Variants in HHAT observed in about 807,000 individuals in gnomAD.
HHAT encodes protein-cysteine N-palmitoyltransferase HHAT.
In HHAT, 47 loss-of-function variants were observed where a neutral mutation model predicts 70.8. That is an observed-to-expected ratio of 0.66 (90% confidence interval 0.53 to 0.85). The LOEUF is 0.85. Ranked by LOEUF, HHAT falls within the 40% of genes least tolerant of loss-of-function variation. The pLI is 0.00. For missense variants in HHAT, 609 were observed against 604.8 expected, an observed-to-expected ratio of 1.01 and a Z score of -0.07; for synonymous variants, 228 against 247.6, an observed-to-expected ratio of 0.92 and a Z score of 0.74.
Position 210,580,190 on chromosome 1 carries a change from T to C in HHAT, c.1044-7708T>C, listed in dbSNP as rs1162606223. Among the ~76,000 whole-genome samples, 3 of 152,262 alleles carry C rather than the reference T, an allele frequency of 2.0e-5. No homozygotes were observed. In the East Asian group the frequency reaches 5.8e-4, roughly 29 times the overall value. On this transcript the variant is annotated intron_variant, in intron 9 of 11. Coordinates refer to ENST00000261458, the MANE Select transcript of HHAT (RefSeq NM_018194.6). The stretch of plus-strand genomic sequence containing the variant: ...CTGAGAATTAGCCCAGCTCAAAATA[T>C]TTTCCCTGCTTTGAAAATAGACTCC...
intron 2 of HHAT, 82 bp downstream of exon 2, chr1:210,349,148 A>T (rs931165353): frequency 7.1e-7 from 1 of 1,417,250 alleles, no homozygotes; most frequent in Non-Finnish European, 9.7e-7. Context: ...AGATTCAAGA[A>T]GATGATCCAA....
intron 11 of HHAT, among the ~76,000 whole-genome samples, chr1:210,628,721 T>C (rs1398101558): frequency 6.6e-6 from 1 of 152,218 alleles, no homozygotes. Context: ...TTCTCCCTGA[T>C]TACTAGCTTG....
At chr1:210,485,482 A>G (rs998109402) in intron 8 of HHAT, among the ~76,000 whole-genome samples, 1 of 152,078 alleles carries the variant, frequency 6.6e-6, no homozygotes, top group African/African-American at 2.4e-5. Context: ...CTCTCCCACC[A>G]GCGACTCCTC....
chr1:210,353,525 T>G (rs1351757576), intron 2 of HHAT, among the ~76,000 whole-genome samples: 1 of 151,972 alleles, frequency 6.6e-6, no homozygotes, highest in Non-Finnish European at 1.5e-5. Context: ...TATTTAAATG[T>G]TTTATTTCTT....
At position 210,453,531 on chromosome 1, in the gene HHAT, C is replaced by G. The variant is rs556027265; in HGVS notation, c.857-10974C>G. Among the ~76,000 whole-genome samples, 5 of 152,212 alleles carry G rather than the reference C, an allele frequency of 3.3e-5. No homozygotes were observed. The South Asian group carries it at 8.3e-4, about 25-fold the overall frequency. ...CCCTATTCCGTGCCTTCCCTTTCCC[C>G]CTTTCTCTCCTTCCCCCATAGTCCC... On this transcript the variant is annotated intron_variant, in intron 7 of 11. Transcript: ENST00000261458.
At chr1:210,567,463 G>A (rs1021640396) in intron 9 of HHAT, among the ~76,000 whole-genome samples, 9 of 152,142 alleles carry the variant, frequency 5.9e-5, no homozygotes, top group Non-Finnish European at 8.8e-5. Context: ...AATGTTCAGC[G>A]CAGTACCTGG....
At chr1:210,529,594 C>T (rs910704700) in intron 9 of HHAT, among the ~76,000 whole-genome samples, 22 of 152,124 alleles carry the variant, frequency 1.4e-4, no homozygotes, top group Admixed American at 1.0e-3. Context: ...CAGCTACTAC[C>T]CCAGTGTATC....
At chr1:210,429,681 CCT>C (rs764521117) in intron 7 of HHAT, among the ~76,000 whole-genome samples, 4 of 151,704 alleles carry the variant, frequency 2.6e-5, no homozygotes, top group African/African-American at 7.3e-5. Context: ...GGTGGTCCCC[CCT>C]GTTTGCATTG....
intron 8 of HHAT, among the ~76,000 whole-genome samples, chr1:210,502,399 A>G (rs1572881533): frequency 6.6e-6 from 1 of 151,720 alleles, no homozygotes; most frequent in African/African-American, 2.4e-5. Flanking sequence ...AAAAAAAAAA[A>G]AAATCTTTCC....
chr1:210,385,252 C>CTTTTTTTTTTTTTTT (rs55887436), intron 3 of HHAT, among the ~76,000 whole-genome samples: 2 of 138,896 alleles, frequency 1.4e-5, no homozygotes, highest in African/African-American at 2.7e-5. Flanking sequence ...ATATGTTTTT[C>CTTTTTTTTTTTTTTT]TTTTTTTTTT....
rs987044311 is a variant in HHAT at position 210,418,231 on chromosome 1, G to A, written c.762G>A (p.Trp254Ter). The A allele has an allele frequency of 1.1e-5, 17 of 1,613,958 alleles. No individual in the cohort carries two copies. Among genetic ancestry groups the A allele is most frequent in the African/African-American group, 1.3e-5 (1 of 74,908 alleles). Residue 254 changes from tryptophan to a stop codon, truncating the protein, a stop_gained, in exon 7 of 12, where the codon TGG (tryptophan) becomes TGA (stop). Coordinates refer to ENST00000261458, the MANE Select transcript of HHAT (RefSeq NM_018194.6). LOFTEE classifies it high-confidence loss of function. ...LALGLGRLLC[W>*]WWLAELMAHL... Reference sequence around the variant, plus strand: ...TGGGGCTGGGCCGCCTTCTTTGCTGGTGGTGGCTGGCCGAGCTGATGGCTC... The same window carrying A: ...TGGGGCTGGGCCGCCTTCTTTGCTGATGGTGGCTGGCCGAGCTGATGGCTC...
At chr1:210,406,141 CT>C (rs1457381063) in intron 6 of HHAT, among the ~76,000 whole-genome samples, 3 of 152,114 alleles carry the variant, frequency 2.0e-5, no homozygotes, top group Non-Finnish European at 2.9e-5. Flanking sequence ...GGGTTCCTCT[CT>C]TTTACAATCT....
chr1:210,481,724 G>A (rs753167957), intron 8 of HHAT, among the ~76,000 whole-genome samples: 6 of 152,176 alleles, frequency 3.9e-5, no homozygotes, highest in Non-Finnish European at 8.8e-5. Context: ...CTCAAGTATT[G>A]ATTTTAAGGT....
intron 6 of HHAT, among the ~76,000 whole-genome samples, chr1:210,412,609 C>T (rs1265860039): frequency 2.6e-5 from 4 of 152,220 alleles, no homozygotes; most frequent in Admixed American, 6.5e-5. Flanking sequence ...CAGGAATCAT[C>T]ATGTTTGGCT....
At chr1:210,440,257 G>T (rs2093474475) in intron 7 of HHAT, among the ~76,000 whole-genome samples, 1 of 151,744 alleles carries the variant, frequency 6.6e-6, no homozygotes, top group South Asian at 2.1e-4. Context: ...GTGTTCTCTT[G>T]AGATTAATTC....
At chr1:210,464,232 A>G (rs1470693571) in intron 7 of HHAT, among the ~76,000 whole-genome samples, 4 of 152,080 alleles carry the variant, frequency 2.6e-5, no homozygotes. Flanking sequence ...TGCAATGTAC[A>G]CATTTTGGGC....
At position 210,646,786 on chromosome 1, in the gene HHAT, ACT is replaced by A. The variant is rs566710344; in HGVS notation, c.1390+23119_1390+23120del. On this transcript the variant is annotated intron_variant, in intron 11 of 11. Transcript: ENST00000261458. ...AGTATAAAAATGATTATGAACTGAA[ACT>A]CTAGATATTTTATATAAAAATCTTC... Among the ~76,000 whole-genome samples, 5 of 152,262 alleles carry A rather than the reference ACT, an allele frequency of 3.3e-5. No homozygotes were observed. The East Asian group carries it at 9.7e-4, about 29-fold the overall frequency.
intron 3 of HHAT, among the ~76,000 whole-genome samples, chr1:210,382,770 C>T (rs921102641): frequency 4.6e-5 from 7 of 152,026 alleles, no homozygotes; most frequent in African/African-American, 7.2e-5. Flanking sequence ...TTTGTGGTTA[C>T]GGGGCATAAA....
chr1:210,413,080 T>C (rs1166997322), intron 6 of HHAT, among the ~76,000 whole-genome samples: 1 of 152,204 alleles, frequency 6.6e-6, no homozygotes, highest in African/African-American at 2.4e-5. Flanking sequence ...CTCTGGCCTG[T>C]GATGATGGTG....
Sources: allele counts gnomAD v4.1 joint callset (sites outside exome capture counted in the v4.1 genomes callset), GRCh38; gene constraint gnomAD v4.1.1; transcripts MANE v1.5; gene names NCBI Gene and HGNC (gene_info 2026-07-23, HGNC 2026-07-21).